The following MYO10 variants were observed in gnomAD, a reference collection of about 807,000 sequenced individuals.
The protein encoded by MYO10 is myosin X, also known as unconventional myosin-X.
MYO10 carries 133 observed loss-of-function variants against 257.3 expected under a neutral mutation model. The observed-to-expected ratio is 0.52, with a 90% CI of 0.45 to 0.60. The LOEUF is 0.60. MYO10 is among the 20% of genes least tolerant of loss of function. The pLI, the probability that MYO10 is intolerant of heterozygous loss-of-function variation, is 0.00. For missense variants in MYO10, 2,399 were observed against 2,635.7 expected (o/e 0.91, Z 1.97); for synonymous variants, 1,104 against 1,028.6 (o/e 1.07, Z -1.40).
intron 3 of MYO10, among the ~76,000 whole-genome samples, chr5:16,807,712 G>T (rs1198461804): frequency 6.6e-6 from 1 of 152,052 alleles, no homozygotes; most frequent in Non-Finnish European, 1.5e-5. Context: ...TCTGCTGCCA[G>T]GACAGCTATC....
In MYO10 at chr5:16,763,721, G is replaced by C; in HGVS notation, c.1361C>G (p.Ala454Gly). 6.2e-7 allele frequency: 1 copy of C among 1,608,122 alleles called. No homozygotes were observed. The highest frequency in any genetic ancestry group is 8.5e-7 in the Non-Finnish European group (1 of 1,175,348). Residue 454 changes from alanine (A) to glycine (G), a missense_variant, in exon 13 of 41, where the codon GCA becomes GGA. Ala to Gly is a moderately conservative substitution (Grantham distance 60). Around this residue, in one of 3 missense-constraint regions of MYO10, gnomAD observed 337 missense variants for 446.8 expected, o/e 0.75. Transcript: ENST00000513610. ...NHFEQFNINY[A>G]NEKLQEYFNK... The stretch of plus-strand genomic sequence containing the variant: ...GAAGTACTCCTGAAGTTTCTCGTTT[G>C]CATAGTTTATATTGAACTGTTCAAA...
chr5:16,883,601 A>G (rs1238292023), intron 1 of MYO10, among the ~76,000 whole-genome samples: 2 of 152,108 alleles, frequency 1.3e-5, no homozygotes, highest in East Asian at 1.9e-4. Flanking sequence ...CCCATTCATC[A>G]CCTATTATCT....
At chr5:16,934,497 A>G (rs973171836) in intron 1 of MYO10, among the ~76,000 whole-genome samples, 4 of 152,282 alleles carry the variant, frequency 2.6e-5, no homozygotes, top group African/African-American at 9.6e-5. Context: ...CAACTCTTGC[A>G]GAAAGTTCTG....
At chr5:16,777,005 G>A (rs1198724555) in intron 9 of MYO10, among the ~76,000 whole-genome samples, 1 of 150,256 alleles carries the variant, frequency 6.7e-6, no homozygotes, top group South Asian at 2.1e-4. Context: ...TTTTTGCCCT[G>A]CTCCTCAAAA....
chr5:16,779,241 G>A (rs1040857553), intron 9 of MYO10, among the ~76,000 whole-genome samples: 1 of 152,124 alleles, frequency 6.6e-6, no homozygotes, highest in Non-Finnish European at 1.5e-5. Context: ...ATGATTTGGG[G>A]GGTTTTTTGG....
intron 9 of MYO10, among the ~76,000 whole-genome samples, chr5:16,777,623 T>C (rs978647445): frequency 3.3e-5 from 5 of 152,090 alleles, no homozygotes; most frequent in Non-Finnish European, 5.9e-5. Flanking sequence ...TGTATGGATA[T>C]GGGCTGCACC....
chr5:16,895,753 AACACACACACACACACACAC>A (rs57628919), intron 1 of MYO10, among the ~76,000 whole-genome samples: 59 of 131,730 alleles, frequency 4.5e-4, no homozygotes, highest in African/African-American at 1.0e-3. Context: ...CCAACACCAC[AACACACACACACACACACAC>A]ACACACACAC....
At chr5:16,837,082 G>A (rs1299479361) in intron 2 of MYO10, among the ~76,000 whole-genome samples, 8 of 152,026 alleles carry the variant, frequency 5.3e-5, no homozygotes, top group East Asian at 1.9e-4. Flanking sequence ...AGGCCGAGGC[G>A]GGCAGATCAC....
intron 1 of MYO10, among the ~76,000 whole-genome samples, 187 bp downstream of exon 1, chr5:16,935,601 A>G (rs1746417506): frequency 6.6e-6 from 1 of 151,930 alleles, no homozygotes. Flanking sequence ...GCGGGACAGG[A>G]CGAAACAAAA....
At chr5:16,751,872 C>G (rs1740387179) in intron 19 of MYO10, among the ~76,000 whole-genome samples, 1 of 152,150 alleles carries the variant, frequency 6.6e-6, no homozygotes, top group Non-Finnish European at 1.5e-5. Context: ...TGCCATACTT[C>G]AGGACATGTA....
rs541858864 is a variant in MYO10 at position 16,721,889 on chromosome 5, G to T, written c.1930-10644C>A. The stretch of plus-strand genomic sequence containing the variant: ...TCACAGCCCTGTTCACACAGAGCCA[G>T]CACATGCCAGTTTAAGACAAAGGCT... On this transcript the variant is annotated intron_variant, in intron 19 of 40. Coordinates refer to ENST00000513610, the MANE Select transcript of MYO10 (RefSeq NM_012334.3). 3.9e-5 allele frequency among the ~76,000 whole-genome samples: 6 copies of T among 152,308 alleles called. No homozygotes were observed. In the South Asian group the frequency reaches 1.2e-3, roughly 32 times the overall value.
chr5:16,814,655 A>G (rs1742550366), intron 3 of MYO10: 1 of 152,198 alleles, frequency 6.6e-6, no homozygotes, highest in Non-Finnish European at 1.5e-5. Context: ...GCGGAGTCCA[A>G]CAGACGCTGA....
chr5:16,935,459 C>A (rs1020556875), intron 1 of MYO10, among the ~76,000 whole-genome samples: 1 of 152,120 alleles, frequency 6.6e-6, no homozygotes, highest in Non-Finnish European at 1.5e-5. Flanking sequence ...GGCAGTCGAG[C>A]GGGCGGATCG....
In MYO10 at chr5:16,794,641, G is replaced by T. The variant is rs375101260; in HGVS notation, c.467+5C>A. ...GAAAGTCCGACTGGCTGTGAGCCCC[G>T]TTACCTGATGAGGATGCACTGGTTG... On this transcript the variant is annotated splice_donor_5th_base_variant and intron_variant, in intron 4 of 40. Transcript: ENST00000513610. 6.2e-7 allele frequency: 1 copy of T among 1,603,640 alleles called. No individual in the cohort carries two copies. The highest frequency in any genetic ancestry group is 1.7e-5 in the Admixed American group (1 of 59,284).
intron 1 of MYO10, among the ~76,000 whole-genome samples, chr5:16,880,530 G>C (rs933944256): frequency 8.5e-5 from 13 of 152,116 alleles, no homozygotes; most frequent in African/African-American, 2.9e-4. Context: ...TCCATTCATA[G>C]ATCTTCAAAG....
In MYO10 at chr5:16,672,875, A is replaced by C. The variant is rs58168577; in HGVS notation, c.5173-50T>G. Reference sequence around the variant, plus strand: ...CAGTTCCACAGGCTGCGGCCCCAACACGTGTTCCCAGAACGTGCCATCACC... The same window carrying C: ...CAGTTCCACAGGCTGCGGCCCCAACCCGTGTTCCCAGAACGTGCCATCACC... On this transcript the variant is annotated intron_variant, in intron 36 of 40. Transcript: ENST00000513610. 2,463 of 1,585,824 alleles carry C rather than the reference A, an allele frequency of 1.6e-3. 32 individuals carry two copies. In the African/African-American group the frequency reaches 0.03, roughly 19 times the overall value.
At chr5:16,786,738 A>T (rs1008912700) in intron 4 of MYO10, among the ~76,000 whole-genome samples, 6 of 152,176 alleles carry the variant, frequency 3.9e-5, no homozygotes, top group Non-Finnish European at 8.8e-5. Flanking sequence ...AAGCTGTGCA[A>T]GTAAAACTTG....
Position 16,702,993 on chromosome 5 carries a change from C to G in MYO10, c.2442G>C (p.Glu814Asp). 1 of 1,552,166 alleles carries G rather than the reference C, an allele frequency of 6.4e-7. No individual in the cohort carries two copies. Among genetic ancestry groups the G allele is most frequent in the Non-Finnish European group, 8.7e-7 (1 of 1,147,112 alleles). The change falls in exon 23 of 41, where the codon GAG becomes GAC. Residue 814 changes from glutamate (E) to aspartate (D), a missense_variant. Glu to Asp is a conservative substitution (Grantham distance 45). Coordinates refer to ENST00000513610, the MANE Select transcript of MYO10 (RefSeq NM_012334.3). ...ARRVYRQLLA[E>D]KREQEEKKKQ... ...TCTTCTTTTCTTCTTGCTCCCTTTTCTCTGCCAGCAATTGTCTGTAAACTC... is the reference window on the plus strand; with the variant it reads ...TCTTCTTTTCTTCTTGCTCCCTTTTGTCTGCCAGCAATTGTCTGTAAACTC...
chr5:16,793,974 C>A (rs771463358), intron 4 of MYO10, among the ~76,000 whole-genome samples: 12 of 151,420 alleles, frequency 7.9e-5, no homozygotes, highest in Non-Finnish European at 1.8e-4. Flanking sequence ...TAGACAGTTT[C>A]TAGTAATAAA....
Sources: gnomAD v4.1 joint callset for allele counts (sites outside exome capture counted in the v4.1 genomes callset) on GRCh38, gnomAD v4.1.1 for gene constraint, gnomAD v4.1.1 regional missense constraint, MANE v1.5 for transcripts, NCBI Gene and HGNC (gene_info 2026-07-23, HGNC 2026-07-21) for gene names.